Variants in ARMC2 observed in about 807,000 individuals in gnomAD.
ARMC2 encodes armadillo repeat containing 2, also known as armadillo repeat-containing protein 2.
In ARMC2, 67 loss-of-function variants were observed where a neutral mutation model predicts 90.3. The ratio of observed to expected loss-of-function variants is 0.74; its 90% CI spans 0.61 to 0.91. The LOEUF (loss-of-function observed/expected upper bound fraction) is 0.91, where lower values mean the gene tolerates loss of function less well. ARMC2 is among the 40% of genes least tolerant of loss of function. The pLI is 0.00. For synonymous variants in ARMC2, 393 were observed against 393.0 expected (o/e 1.00, Z 0.00); for missense variants, 920 against 1,030.9 (o/e 0.89, Z 1.47).
At chr6:109,040,249 C>T in the ARMC2 span, among the ~76,000 whole-genome samples, 10 of 152,144 alleles carry the variant, frequency 6.6e-5, no homozygotes, top group African/African-American at 2.4e-4. Flanking sequence ...TTTGGCAAGT[C>T]TCCTCTCCTT....
downstream of ARMC2, among the ~76,000 whole-genome samples, chr6:108,978,066 C>G (rs1779019256): frequency 6.6e-6 from 1 of 152,002 alleles, no homozygotes; most frequent in South Asian, 2.1e-4. Context: ...GCTCTTGTTT[C>G]TCTAGTTCTT....
the ARMC2 span, among the ~76,000 whole-genome samples, chr6:108,991,325 T>A: frequency 1.3e-5 from 2 of 152,166 alleles, no homozygotes; most frequent in Non-Finnish European, 2.9e-5. Flanking sequence ...CACTGCAGTC[T>A]CCAACTGCTG....
chr6:108,998,825 T>C, the ARMC2 span: 1 of 1,467,298 alleles, frequency 6.8e-7, no homozygotes. Context: ...TTCATTTTAG[T>C]ATTTAATTTA....
chr6:108,948,302 C>T (rs923915747), intron 12 of ARMC2, among the ~76,000 whole-genome samples: 1 of 151,962 alleles, frequency 6.6e-6, no homozygotes, highest in East Asian at 1.9e-4. Context: ...CTTCAGGATT[C>T]CAGATGAGTC....
At chr6:108,939,213 C>T (rs747947030) in intron 12 of ARMC2, among the ~76,000 whole-genome samples, 1 of 152,160 alleles carries the variant, frequency 6.6e-6, no homozygotes, top group Non-Finnish European at 1.5e-5. Context: ...AAAAGCAAAA[C>T]TCATGTTTAA....
chr6:109,027,953 T>C, the ARMC2 span, among the ~76,000 whole-genome samples: 1 of 152,216 alleles, frequency 6.6e-6, no homozygotes, highest in South Asian at 2.1e-4. Flanking sequence ...CTTTATATTA[T>C]TTTGAATACA....
chr6:108,874,866 A>G (rs1389286521), intron 4 of ARMC2, among the ~76,000 whole-genome samples: 1 of 151,864 alleles, frequency 6.6e-6, no homozygotes, highest in East Asian at 1.9e-4. Context: ...TAGAATCTCT[A>G]AGGTTCCTTT....
At chr6:109,032,549 C>T in the ARMC2 span, among the ~76,000 whole-genome samples, 2 of 148,228 alleles carry the variant, frequency 1.3e-5, no homozygotes, top group African/African-American at 2.6e-5. Context: ...ACCCAGGAGG[C>T]GGAGGTTGCA....
At chr6:108,873,255 A>G (rs1009842861) in intron 4 of ARMC2, among the ~76,000 whole-genome samples, 3 of 152,206 alleles carry the variant, frequency 2.0e-5, no homozygotes, top group Non-Finnish European at 4.4e-5. Context: ...TAACCATTTA[A>G]AAATACAAAA....
rs1317885893 is a variant in ARMC2, at chr6:108,962,047, A to G, written c.2072A>G (p.Asp691Gly). 3 of 1,613,102 alleles carry G rather than the reference A, an allele frequency of 1.9e-6. No homozygotes were observed. The highest frequency in any genetic ancestry group is 2.5e-6 in the Non-Finnish European group (3 of 1,179,644). The stretch of plus-strand genomic sequence containing the variant: ...AAGCTTCTTGTCAGTAACAACATGG[A>G]TGGAATCCTGGAGGCTGTGCGTGTT... ...LLKLLVSNNM[D>G]GILEAVRVFG... Residue 691 changes from aspartate (D) to glycine (G), a missense_variant, in exon 15 of 18, where the codon GAT (aspartate) becomes GGT (glycine). Asp to Gly is a moderately conservative substitution (Grantham distance 94, BLOSUM62 -1). Coordinates refer to ENST00000392644, the MANE Select transcript of ARMC2 (RefSeq NM_032131.6).
chr6:108,989,872 G>C, the ARMC2 span, among the ~76,000 whole-genome samples: 906 of 152,226 alleles, frequency 6.0e-3, 14 homozygotes, highest in African/African-American at 0.021. Context: ...TCAGTGGAAA[G>C]GGGACAAAGG....
intron 4 of ARMC2, among the ~76,000 whole-genome samples, chr6:108,871,875 G>A (rs938532078): frequency 1.3e-5 from 2 of 152,190 alleles, no homozygotes; most frequent in South Asian, 4.1e-4. Context: ...CCTGTTTGCA[G>A]TCACCCCTCT....
At chr6:109,016,273 A>G in the ARMC2 span, among the ~76,000 whole-genome samples, 1 of 152,232 alleles carries the variant, frequency 6.6e-6, no homozygotes, top group Non-Finnish European at 1.5e-5. Flanking sequence ...TGTTTATAAC[A>G]GCTATCCTGC....
chr6:108,852,577 A>G (rs895476320), intron 1 of ARMC2, among the ~76,000 whole-genome samples: 1 of 152,208 alleles, frequency 6.6e-6, no homozygotes, highest in African/African-American at 2.4e-5. Context: ...GAAAGAGTAT[A>G]GTTTTTAATG....
intron 8 of ARMC2, 148 bp from the exon 9 acceptor site, chr6:108,910,751 G>A: frequency 2.1e-6 from 1 of 479,638 alleles, no homozygotes; most frequent in Non-Finnish European, 3.6e-6. Flanking sequence ...CAAATATGTG[G>A]TCTAAATTTT....
intron 12 of ARMC2, among the ~76,000 whole-genome samples, chr6:108,944,340 A>G (rs558234896): frequency 1.3e-5 from 2 of 152,346 alleles, no homozygotes; most frequent in South Asian, 4.1e-4. Context: ...AGAACACAGG[A>G]TGGTACATTA....
chr6:108,864,072 C>T (rs937829768), intron 3 of ARMC2, among the ~76,000 whole-genome samples: 3 of 152,098 alleles, frequency 2.0e-5, no homozygotes, highest in African/African-American at 4.8e-5. Flanking sequence ...TAGAGTAGAG[C>T]CAAAGCAGTG....
chr6:108,869,934 T>G (rs1202012122), intron 4 of ARMC2, among the ~76,000 whole-genome samples: 1 of 152,146 alleles, frequency 6.6e-6, no homozygotes, highest in African/African-American at 2.4e-5. Context: ...GAATAGAATA[T>G]AATAGAAAAT....
chr6:108,896,732 A>C (rs184745594), intron 6 of ARMC2, among the ~76,000 whole-genome samples: 16 of 152,320 alleles, frequency 1.1e-4, no homozygotes, highest in African/African-American at 3.1e-4. Context: ...TGAATAAGTT[A>C]TCCATTTTAT....
Sources: allele counts gnomAD v4.1 joint callset (sites outside exome capture counted in the v4.1 genomes callset), GRCh38; gene constraint gnomAD v4.1.1; transcripts MANE v1.5; gene names NCBI Gene and HGNC (gene_info 2026-07-23, HGNC 2026-07-21).